The following SORCS3 variants were observed in gnomAD, a reference collection of about 807,000 sequenced individuals.
SORCS3 encodes the protein sortilin related VPS10 domain containing receptor 3, also known as VPS10 domain-containing receptor SorCS3.
Under a neutral mutation model 146.3 loss-of-function variants are expected in SORCS3, and 57 were observed. The ratio of observed to expected loss-of-function variants is 0.39; its 90% CI spans 0.31 to 0.49. The LOEUF (loss-of-function observed/expected upper bound fraction) is 0.49. Among genes scored for constraint, SORCS3 ranks in the 20% least tolerant of loss-of-function variants. The pLI is 0.92. For synonymous variants in SORCS3, 653 were observed against 618.5 expected (o/e 1.06, Z -0.83); for missense variants, 1,341 against 1,575.5 (o/e 0.85, Z 2.52).
intron 16 of SORCS3, 142 bp from the exon 17 acceptor site, chr10:105,210,995 A>G: frequency 1.8e-6 from 1 of 570,650 alleles, no homozygotes; most frequent in Non-Finnish European, 3.2e-6. Context: ...AAATATGAAT[A>G]TTTACCCTCA....
At chr10:104,735,454 C>CTTTTTTTTTTT (rs1554847561) in intron 1 of SORCS3, among the ~76,000 whole-genome samples, 3 of 14,864 alleles carry the variant, frequency 2.0e-4, no homozygotes, top group South Asian at 3.1e-3. Flanking sequence ...CTCTCACCGT[C>CTTTTTTTTTTT]TGTTTTTTTT....
chr10:105,045,380 A>G (rs746696273), intron 5 of SORCS3, among the ~76,000 whole-genome samples: 3 of 152,130 alleles, frequency 2.0e-5, no homozygotes, highest in Admixed American at 6.6e-5. Flanking sequence ...GAAATATAAC[A>G]GTTTATGCCT....
chr10:105,186,028 T>C (rs1156928872), intron 14 of SORCS3, among the ~76,000 whole-genome samples: 2 of 152,212 alleles, frequency 1.3e-5, no homozygotes, highest in Non-Finnish European at 2.9e-5. Context: ...ATCTATTTTC[T>C]TATCAATGGA....
chr10:105,032,736 G>A (rs2055277643), intron 4 of SORCS3, among the ~76,000 whole-genome samples: 2 of 152,016 alleles, frequency 1.3e-5, no homozygotes, highest in African/African-American at 4.8e-5. Context: ...ACTTCTTTTA[G>A]ATTCAGGCCT....
At chr10:105,137,656 C>T (rs2056068146) in intron 7 of SORCS3, among the ~76,000 whole-genome samples, 1 of 152,116 alleles carries the variant, frequency 6.6e-6, no homozygotes, top group Non-Finnish European at 1.5e-5. Flanking sequence ...GTTCCCAGAC[C>T]AGCAGCATTG....
At chr10:104,678,037 A>G (rs1428835476) in intron 1 of SORCS3, among the ~76,000 whole-genome samples, 1 of 152,176 alleles carries the variant, frequency 6.6e-6, no homozygotes, top group East Asian at 1.9e-4. Context: ...TAGTAATGAC[A>G]TAATCCATGT....
chr10:104,766,931 G>A (rs1442425787), intron 1 of SORCS3, among the ~76,000 whole-genome samples: 1 of 152,136 alleles, frequency 6.6e-6, no homozygotes, highest in East Asian at 1.9e-4. Flanking sequence ...ATGACTATGT[G>A]GTTTGATTTA....
chr10:104,871,033 G>C (rs1426300906), intron 2 of SORCS3, among the ~76,000 whole-genome samples: 1 of 152,140 alleles, frequency 6.6e-6, no homozygotes, highest in Non-Finnish European at 1.5e-5. Flanking sequence ...ATGGGGGCAG[G>C]GATGACCCTC....
intron 4 of SORCS3, among the ~76,000 whole-genome samples, chr10:105,040,667 T>C (rs2055332756): frequency 6.6e-6 from 1 of 152,116 alleles, no homozygotes. Context: ...TTGTGTACTA[T>C]GTAATTTAGT....
At chr10:104,729,470 T>C (rs1035562609) in intron 1 of SORCS3, among the ~76,000 whole-genome samples, 6 of 152,188 alleles carry the variant, frequency 3.9e-5, no homozygotes, top group African/African-American at 1.2e-4. Context: ...GAAAGAAATA[T>C]GTAGGTGACA....
intron 1 of SORCS3, among the ~76,000 whole-genome samples, chr10:104,669,091 A>G (rs371959212): frequency 6.4e-4 from 97 of 152,216 alleles, no homozygotes; most frequent in African/African-American, 2.1e-3. Flanking sequence ...AAGTCAGTTC[A>G]TCTTTCTGGG....
In SORCS3 at chr10:105,247,376, A is replaced by G. The variant is rs1293772941; in HGVS notation, c.3105+45A>G. On this transcript the variant is annotated intron_variant, in intron 22 of 26. Coordinates refer to ENST00000369701, the MANE Select transcript of SORCS3 (RefSeq NM_014978.3). ...TTTTAAGTTCTTGTGAATAAAGAAA[A>G]GAACTAGATGGTGTGGTCCACAATA... 2.8e-6 allele frequency: 3 copies of G among 1,086,004 alleles called. No individual in the cohort carries two copies. In the Admixed American group the frequency reaches 5.3e-5, roughly 19 times the overall value. The allele number at this position is 1,086,004 out of a possible 1,614,324, so 67.3% of individuals were successfully genotyped here.
At chr10:104,932,279 T>C (rs2133611595) in intron 3 of SORCS3, among the ~76,000 whole-genome samples, 1 of 152,338 alleles carries the variant, frequency 6.6e-6, no homozygotes, top group South Asian at 2.1e-4. Flanking sequence ...CACTCTCTTC[T>C]CTGAAGTAGC....
At chr10:105,118,572 G>A (rs1213295477) in intron 7 of SORCS3, among the ~76,000 whole-genome samples, 3 of 152,198 alleles carry the variant, frequency 2.0e-5, no homozygotes, top group African/African-American at 7.2e-5. Flanking sequence ...AGGCTCAGAA[G>A]AAGAAAGAAG....
chr10:104,758,118 G>A (rs2017077472), intron 1 of SORCS3, among the ~76,000 whole-genome samples: 1 of 152,160 alleles, frequency 6.6e-6, no homozygotes, highest in South Asian at 2.1e-4. Context: ...CAATGAATAG[G>A]ACTTGGATGA....
At chr10:104,799,719 A>G (rs1232354492) in intron 1 of SORCS3, among the ~76,000 whole-genome samples, 1 of 151,692 alleles carries the variant, frequency 6.6e-6, no homozygotes, top group South Asian at 2.1e-4. Flanking sequence ...TCTGTTGCCC[A>G]GGCTGGAGTG....
At chr10:105,231,969 T>C (rs1161465613) in intron 20 of SORCS3, among the ~76,000 whole-genome samples, 1 of 152,154 alleles carries the variant, frequency 6.6e-6, no homozygotes, top group East Asian at 1.9e-4. Context: ...TTTTCCTTTC[T>C]TGTAATATAT....
intron 2 of SORCS3, among the ~76,000 whole-genome samples, chr10:104,845,243 C>T (rs1326064107): frequency 6.6e-6 from 1 of 152,178 alleles, no homozygotes; most frequent in African/African-American, 2.4e-5. Flanking sequence ...CTGGCATATG[C>T]TAAATGTTTA....
intron 2 of SORCS3, among the ~76,000 whole-genome samples, chr10:104,868,558 A>G (rs1589529929): frequency 1.3e-5 from 2 of 152,344 alleles, no homozygotes; most frequent in South Asian, 2.1e-4. Flanking sequence ...ACTTTGTCCA[A>G]CTAGTCCAGT....
Sources: gnomAD v4.1 joint callset for allele counts (sites outside exome capture counted in the v4.1 genomes callset) on GRCh38, gnomAD v4.1.1 for gene constraint, MANE v1.5 for transcripts, NCBI Gene and HGNC (gene_info 2026-07-23, HGNC 2026-07-21) for gene names.